Variants in CDH2 observed in about 807,000 individuals in gnomAD.
CDH2 encodes the protein cadherin-2.
Under a neutral mutation model 92.0 loss-of-function variants are expected in CDH2, and 17 were observed. The observed-to-expected ratio is 0.18, with a 90% CI of 0.13 to 0.28. The LOEUF is 0.28. Ranked by LOEUF, CDH2 falls within the 10% of genes least tolerant of loss-of-function variation. CDH2 has a pLI of 1.00. For missense variants in CDH2, 862 were observed against 1,133.1 expected, an observed-to-expected ratio of 0.76 and a Z score of 3.44; for synonymous variants, 419 against 415.9, an observed-to-expected ratio of 1.01 and a Z score of -0.09.
intron 5 of CDH2, among the ~76,000 whole-genome samples, chr18:28,007,032 G>A (rs1411037515): frequency 1.3e-5 from 2 of 150,550 alleles, no homozygotes; most frequent in Admixed American, 1.3e-4. Context: ...AATTAGCTGG[G>A]TGCCTGTAAT....
chr18:28,055,489 G>A (rs961629967), intron 2 of CDH2, among the ~76,000 whole-genome samples: 2 of 152,162 alleles, frequency 1.3e-5, no homozygotes, highest in Non-Finnish European at 2.9e-5. Flanking sequence ...GAGTGATAGT[G>A]TAAAGGGTGA....
downstream of CDH2, among the ~76,000 whole-genome samples, chr18:27,949,045 T>G (rs886172047): frequency 2.6e-5 from 4 of 151,962 alleles, no homozygotes; most frequent in African/African-American, 9.7e-5. Flanking sequence ...GATAAATGTA[T>G]AGTTTTCAGG....
At chr18:28,084,813 T>C (rs984696177) in intron 2 of CDH2, among the ~76,000 whole-genome samples, 1 of 152,102 alleles carries the variant, frequency 6.6e-6, no homozygotes, top group African/African-American at 2.4e-5. Flanking sequence ...TCTCCTCCAA[T>C]CCATGACTTA....
intron 7 of CDH2, among the ~76,000 whole-genome samples, chr18:28,000,279 T>A (rs2144001255): frequency 6.6e-6 from 1 of 152,232 alleles, no homozygotes; most frequent in East Asian, 1.9e-4. Context: ...TTTTTGTATT[T>A]TTTGTAGAGA....
At chr18:28,118,428 A>T (rs938676285) in intron 2 of CDH2, among the ~76,000 whole-genome samples, 2 of 152,118 alleles carry the variant, frequency 1.3e-5, no homozygotes, top group African/African-American at 4.8e-5. Flanking sequence ...AAAATAATCA[A>T]CCTATTTTCA....
At chr18:28,173,471 A>G (rs1319508963) in intron 1 of CDH2, among the ~76,000 whole-genome samples, 1 of 152,288 alleles carries the variant, frequency 6.6e-6, no homozygotes, top group Admixed American at 6.5e-5. Flanking sequence ...TTACACTTAA[A>G]ATCACTGCTG....
chr18:28,157,674 G>A (rs867561966), intron 1 of CDH2, among the ~76,000 whole-genome samples: 1 of 152,052 alleles, frequency 6.6e-6, no homozygotes, highest in Non-Finnish European at 1.5e-5. Context: ...GAGACTAAGT[G>A]AAAAATCTGC....
intron 6 of CDH2, among the ~76,000 whole-genome samples, chr18:27,942,018 T>C (rs994776177): frequency 3.3e-5 from 5 of 152,154 alleles, no homozygotes; most frequent in African/African-American, 1.2e-4. Context: ...CCAAATAAAT[T>C]ATATAAAACA....
chr18:28,119,811 G>C (rs910398050), intron 2 of CDH2, among the ~76,000 whole-genome samples: 1 of 151,976 alleles, frequency 6.6e-6, no homozygotes, highest in Non-Finnish European at 1.5e-5. Flanking sequence ...GGGATACATG[G>C]GTAAGTGATA....
chr18:28,147,514 T>G (rs1428682629), intron 2 of CDH2, among the ~76,000 whole-genome samples, 159 bp downstream of exon 2: 1 of 152,132 alleles, frequency 6.6e-6, no homozygotes, highest in Non-Finnish European at 1.5e-5. Flanking sequence ...ATTCATAAGC[T>G]CTTCTGTAAT....
intron 2 of CDH2, among the ~76,000 whole-genome samples, chr18:28,069,046 G>A (rs1031122895): frequency 1.4e-4 from 22 of 152,058 alleles, no homozygotes; most frequent in African/African-American, 5.3e-4. Context: ...ACATAACAAG[G>A]AATGAAAGGT....
chr18:28,023,806 A>G (rs189080786), intron 2 of CDH2, among the ~76,000 whole-genome samples: 1 of 152,294 alleles, frequency 6.6e-6, no homozygotes, highest in East Asian at 1.9e-4. Flanking sequence ...TTAATAATCT[A>G]TTTGATTAAC....
chr18:27,958,508 T>C lies in CDH2; in HGVS notation c.2514+4849A>G, dbSNP rs1008949906. ...ATCTACAAATATACATATTTATATA[T>C]GTATATATGTGTATATTTGTATATA... On this transcript the variant is annotated intron_variant, in intron 15 of 15. Transcript: ENST00000269141. Among the ~76,000 whole-genome samples the C allele has an allele frequency of 2.0e-5, 3 of 150,368 alleles. No homozygotes were observed. In the Admixed American group the frequency reaches 2.0e-4, roughly 10 times the overall value.
intron 10 of CDH2, among the ~76,000 whole-genome samples, chr18:27,989,222 C>A (rs139202325): frequency 9.3e-4 from 142 of 152,280 alleles, no homozygotes; most frequent in African/African-American, 3.2e-3. Flanking sequence ...GAAAGTCCTA[C>A]AGTCTTGAGT....
chr18:27,998,563 G>A (rs2012662690), intron 7 of CDH2, among the ~76,000 whole-genome samples: 1 of 152,198 alleles, frequency 6.6e-6, no homozygotes, highest in African/African-American at 2.4e-5. Context: ...AGCGGGGGAA[G>A]CAGGTGGAAA....
intron 1 of CDH2, among the ~76,000 whole-genome samples, chr18:28,150,796 A>T (rs562432116): frequency 1.3e-5 from 2 of 152,342 alleles, no homozygotes; most frequent in Non-Finnish European, 2.9e-5. Context: ...CTTCCTTAAG[A>T]CAAAACGGAT....
chr18:28,080,118 T>C (rs2014801029), intron 2 of CDH2, among the ~76,000 whole-genome samples: 2 of 152,128 alleles, frequency 1.3e-5, no homozygotes, highest in Non-Finnish European at 1.5e-5. Context: ...GTAATTAATT[T>C]ACCTGAAGGT....
chr18:28,012,446 A>T (rs1292817666), intron 3 of CDH2, among the ~76,000 whole-genome samples: 1 of 152,198 alleles, frequency 6.6e-6, no homozygotes, highest in Non-Finnish European at 1.5e-5. Context: ...AATATTTATG[A>T]CCCTATTATA....
At chr18:27,960,708 G>A (rs1040960346) in intron 15 of CDH2, among the ~76,000 whole-genome samples, 1 of 152,202 alleles carries the variant, frequency 6.6e-6, no homozygotes, top group Non-Finnish European at 1.5e-5. Context: ...CTGAATGGAT[G>A]ATCTTACATT....
Sources: allele counts gnomAD v4.1 joint callset (sites outside exome capture counted in the v4.1 genomes callset), GRCh38; gene constraint gnomAD v4.1.1; transcripts MANE v1.5; gene names NCBI Gene and HGNC (gene_info 2026-07-23, HGNC 2026-07-21).